Variants in DNM3 observed in about 807,000 individuals in gnomAD.
DNM3 encodes the protein dynamin 3.
In DNM3, 47 loss-of-function variants were observed where a neutral mutation model predicts 101.6. The observed-to-expected ratio is 0.46, with a 90% CI of 0.37 to 0.59. The LOEUF is 0.59. Among genes scored for constraint, DNM3 ranks in the 20% least tolerant of loss-of-function variants. The probability of loss-of-function intolerance (pLI) is 0.00; values close to 1 mark genes in which losing one functional copy is unlikely to be tolerated. For missense variants in DNM3, 849 were observed against 1,085.7 expected (o/e 0.78, Z 3.06); for synonymous variants, 385 against 387.9 (o/e 0.99, Z 0.09).
rs2064751410 is a variant in DNM3 at position 172,305,424 on chromosome 1, CG to C, written c.1770-3302del. ...CCAACCAAAAAAGTCCAAAACCAGA[CG>C]GATTCACAGCCGAATTCTACCAGAG... is the stretch of plus-strand genomic sequence containing the variant. On this transcript the variant is annotated intron_variant, in intron 15 of 20. Transcript: ENST00000627582. Among the ~76,000 whole-genome samples, 3 of 152,232 alleles carry C rather than the reference CG, an allele frequency of 2.0e-5. No individual in the cohort carries two copies. The South Asian group carries it at 6.2e-4, about 32-fold the overall frequency.
chr1:172,276,317 T>C (rs984174529), intron 15 of DNM3, among the ~76,000 whole-genome samples: 8 of 152,068 alleles, frequency 5.3e-5, no homozygotes, highest in African/African-American at 1.9e-4. Flanking sequence ...TGGGGGAATT[T>C]GGCTTAGGTG....
chr1:171,849,512 T>A (rs530695871), intron 1 of DNM3, among the ~76,000 whole-genome samples: 13 of 152,348 alleles, frequency 8.5e-5, no homozygotes, highest in Admixed American at 8.5e-4. Flanking sequence ...CAGATGGTAA[T>A]GCGTATTTGC....
intron 10 of DNM3, among the ~76,000 whole-genome samples, chr1:172,061,887 A>G (rs1265846138): frequency 6.6e-6 from 1 of 151,954 alleles, no homozygotes; most frequent in Non-Finnish European, 1.5e-5. Context: ...AAATACTTGC[A>G]TTTCACCCCC....
chr1:172,118,769 T>TC (rs2056100918), intron 13 of DNM3, among the ~76,000 whole-genome samples: 2 of 152,038 alleles, frequency 1.3e-5, no homozygotes, highest in Non-Finnish European at 2.9e-5. Context: ...GAGTGGTTTT[T>TC]CTCATATTTA....
intron 1 of DNM3, among the ~76,000 whole-genome samples, chr1:171,870,845 C>T (rs1446442169): frequency 6.6e-6 from 1 of 152,040 alleles, no homozygotes; most frequent in East Asian, 1.9e-4. Flanking sequence ...AGGTAGTACC[C>T]AGGAAGAGTT....
intron 16 of DNM3, among the ~76,000 whole-genome samples, chr1:172,320,791 G>C (rs1417064739): frequency 6.6e-6 from 1 of 152,186 alleles, no homozygotes; most frequent in Non-Finnish European, 1.5e-5. Flanking sequence ...GGAGTGAGCA[G>C]AAAGGCTGTC....
At position 172,257,877 on chromosome 1, in the gene DNM3, A is replaced by AACACACACACAC. The variant is rs56955112; in HGVS notation, c.1769+4213_1769+4224dup. Among the ~76,000 whole-genome samples, 337 of 145,208 alleles carry AACACACACACAC rather than the reference A, an allele frequency of 2.3e-3. 1 individual carries two copies. Among genetic ancestry groups the AACACACACACAC allele is most frequent in the African/African-American group, 8.0e-3 (316 of 39,732 alleles). On this transcript the variant is annotated intron_variant, in intron 15 of 20. Transcript: ENST00000627582. ...TCATCCTCTCTCCCCAACCCCCACC[A>AACACACACACAC]ACACACACACACACACACACACACA... is the stretch of plus-strand genomic sequence containing the variant.
At chr1:172,327,616 C>A (rs1160562905) in intron 17 of DNM3, among the ~76,000 whole-genome samples, 1 of 152,148 alleles carries the variant, frequency 6.6e-6, no homozygotes, top group Non-Finnish European at 1.5e-5. Flanking sequence ...TCAGAACACT[C>A]TAAGCAATTT....
At chr1:171,854,794 T>C (rs1048450019) in intron 1 of DNM3, among the ~76,000 whole-genome samples, 4 of 151,932 alleles carry the variant, frequency 2.6e-5, no homozygotes, top group Non-Finnish European at 5.9e-5. Context: ...CTCAAACTCC[T>C]GACCTCAGGT....
chr1:172,383,980 T>C (rs899519295), intron 18 of DNM3, among the ~76,000 whole-genome samples: 1 of 152,212 alleles, frequency 6.6e-6, no homozygotes, highest in Admixed American at 6.5e-5. Flanking sequence ...AGGTGAAGTA[T>C]TTTCTAAATG....
intron 17 of DNM3, among the ~76,000 whole-genome samples, chr1:172,365,389 C>A (rs2067960913): frequency 6.6e-6 from 1 of 151,838 alleles, no homozygotes; most frequent in Admixed American, 6.6e-5. Flanking sequence ...ATTCTATCTA[C>A]TTTTACATAT....
chr1:171,955,247 C>T (rs2042778342), intron 2 of DNM3, among the ~76,000 whole-genome samples: 1 of 152,176 alleles, frequency 6.6e-6, no homozygotes, highest in Admixed American at 6.5e-5. Context: ...GGTAGGAAAG[C>T]TATGCACCAC....
intron 14 of DNM3, among the ~76,000 whole-genome samples, chr1:172,206,778 C>T (rs111957269): frequency 0.027 from 4,114 of 152,198 alleles, 84 homozygotes; most frequent in Admixed American, 0.063. Flanking sequence ...GTTGTTTATA[C>T]TTTGAGAACT....
intron 15 of DNM3, among the ~76,000 whole-genome samples, chr1:172,300,633 T>C (rs976648978): frequency 2.0e-5 from 3 of 152,146 alleles, no homozygotes; most frequent in African/African-American, 7.2e-5. Context: ...AAACTGGACA[T>C]TTACCTATCA....
At chr1:172,263,060 A>G (rs538421550) in intron 15 of DNM3, among the ~76,000 whole-genome samples, 7 of 152,194 alleles carry the variant, frequency 4.6e-5, no homozygotes, top group Non-Finnish European at 7.4e-5. Flanking sequence ...CTTATAGGAA[A>G]TAGTTTTTAT....
rs749628094 is a variant in DNM3 at position 172,379,102 on chromosome 1, G to A, written c.1978G>A (p.Val660Ile). The A allele has an allele frequency of 1.1e-5, 17 of 1,611,896 alleles. No homozygotes were observed. Among genetic ancestry groups the A allele is most frequent in the East Asian group, 8.9e-5 (4 of 44,822 alleles). Residue 660 changes from valine (V) to isoleucine (I), a missense_variant, in exon 18 of 21, where the codon GTA (valine) becomes ATA (isoleucine). By Grantham distance (29) the Val-to-Ile change is conservative. Coordinates refer to ENST00000627582, the MANE Select transcript of DNM3 (RefSeq NM_015569.5). ...ERQVETIRNL[V>I]DSYMSIINKC... is the part of the protein sequence containing the mutation. Reference sequence around the variant, plus strand: ...GCAAGTGGAGACCATTCGCAACCTCGTAGACTCCTACATGTCCATTATCAA... The same window carrying A: ...GCAAGTGGAGACCATTCGCAACCTCATAGACTCCTACATGTCCATTATCAA...
chr1:171,973,323 T>TAACC lies in DNM3; in HGVS notation c.236-14332_236-14329dup, dbSNP rs2044148054. ...CTTTGACTGGCATCTCCTACCTGTG[T>TAACC]AACCTCAGGCAATTTGTTTAACCTC... On this transcript the variant is annotated intron_variant, in intron 2 of 20. Transcript: ENST00000627582. Among the ~76,000 whole-genome samples, 4 of 152,360 alleles carry TAACC rather than the reference T, an allele frequency of 2.6e-5. No individual in the cohort carries two copies. In the South Asian group the frequency reaches 8.3e-4, roughly 32 times the overall value.
chr1:171,889,747 G>A (rs754618337), intron 1 of DNM3, among the ~76,000 whole-genome samples: 13 of 152,196 alleles, frequency 8.5e-5, no homozygotes, highest in Non-Finnish European at 1.8e-4. Context: ...AAGAGAGAAA[G>A]CCATTGATTA....
At chr1:172,111,239 C>G (rs2055455196) in intron 13 of DNM3, among the ~76,000 whole-genome samples, 1 of 152,188 alleles carries the variant, frequency 6.6e-6, no homozygotes, top group African/African-American at 2.4e-5. Context: ...ACCTCCCAGA[C>G]ATTGTGACAA....
Sources: gnomAD v4.1 joint callset for allele counts (sites outside exome capture counted in the v4.1 genomes callset) on GRCh38, gnomAD v4.1.1 for gene constraint, MANE v1.5 for transcripts, NCBI Gene and HGNC (gene_info 2026-07-23, HGNC 2026-07-21) for gene names.